Variants in BANP observed in about 807,000 individuals in gnomAD.
BANP encodes the protein BTG3 associated nuclear protein.
BANP carries 11 observed loss-of-function variants against 68.1 expected under a neutral mutation model. The ratio of observed to expected loss-of-function variants is 0.16; its 90% CI spans 0.10 to 0.27. BANP has a LOEUF of 0.27. Among genes scored for constraint, BANP ranks in the 10% least tolerant of loss-of-function variants. The pLI is 1.00. For synonymous variants in BANP, 329 were observed against 303.2 expected (o/e 1.09, Z -0.88); for missense variants, 504 against 722.7 (o/e 0.70, Z 3.47).
At position 88,071,125 on chromosome 16, in the gene BANP, C is replaced by T. The variant is rs2090192910; in HGVS notation, c.1378-944C>T. The T allele has an allele frequency of 7.1e-6, 2 of 280,210 alleles. No homozygotes were observed. Among genetic ancestry groups the T allele is most frequent in the African/African-American group, 2.3e-5 (1 of 44,266 alleles). 17.4% of individuals were successfully genotyped at this position (280,210 alleles called of 1,614,324 possible). Reference sequence around the variant, plus strand: ...GGCCAGGCTCCGTGGGGTGGGGCACCCTGCGACGGGCTGCTCCTCTTCCCA... The same window carrying T: ...GGCCAGGCTCCGTGGGGTGGGGCACTCTGCGACGGGCTGCTCCTCTTCCCA... On this transcript the variant is annotated intron_variant, in intron 12 of 13. Coordinates refer to ENST00000682872, the MANE Select transcript of BANP (RefSeq NM_001386991.1). The surrounding 1 kb of genome is among the most constrained non-coding windows in gnomAD (Gnocchi z 6.5).
chr16:88,010,840 G>A (rs546756976), intron 6 of BANP, among the ~76,000 whole-genome samples: 9 of 151,518 alleles, frequency 5.9e-5, no homozygotes, highest in Non-Finnish European at 1.0e-4. Flanking sequence ...AGGAGAACGT[G>A]TAGCCACGCT....
chr16:88,009,685 A>T (rs1693989049), intron 6 of BANP, among the ~76,000 whole-genome samples: 1 of 152,068 alleles, frequency 6.6e-6, no homozygotes, highest in African/African-American at 2.4e-5. Context: ...GGAACAGTAG[A>T]CTGTGTCTCA....
At chr16:88,042,528 T>G (rs2081079285) in intron 11 of BANP, among the ~76,000 whole-genome samples, 1 of 152,262 alleles carries the variant, frequency 6.6e-6, no homozygotes, top group Non-Finnish European at 1.5e-5. Flanking sequence ...TAGGTGCACA[T>G]GCTGTCGTGC....
chr16:87,994,170 A>T (rs1439208006), intron 4 of BANP, among the ~76,000 whole-genome samples: 1 of 152,140 alleles, frequency 6.6e-6, no homozygotes. Flanking sequence ...TTTCAGCCAA[A>T]CATGTTGCCT....
chr16:88,071,654 A>T lies in BANP; in HGVS notation c.1378-415A>T, dbSNP rs951212572. On this transcript the variant is annotated intron_variant, in intron 12 of 13. Transcript: ENST00000682872. This position sits in a 1 kb window ranked among gnomAD's most constrained non-coding sequence, Gnocchi z 6.5. ...GGGTTTGGGTCTCAGCCTCACGCTC[A>T]CGGTCCTGGCTTGGATTTTAGGCCT... 9.8e-5 allele frequency: 46 copies of T among 468,780 alleles called. No homozygotes were observed. The highest frequency in any genetic ancestry group is 8.5e-4 in the African/African-American group (43 of 50,660). The allele number at this position is 468,780 out of a possible 1,614,324, so 29.0% of individuals were successfully genotyped here. A position where few individuals can be genotyped will look rare whatever the true frequency, so the allele number is the denominator to read the frequency against.
chr16:88,006,186 C>A lies in BANP; in HGVS notation c.576C>A (p.Ser192Arg). ...ACGGGGAGAGCGGCTCGGAGGCCAG[C>A]GACTCTGTGTCCAGCTGTGGGCAGG... ...HEDGESGSEASDSVSSCGQAG... is the reference protein window; with the variant it reads ...HEDGESGSEARDSVSSCGQAG... The change falls in exon 6 of 14, where the codon AGC becomes AGA. Residue 192 changes from serine to arginine, a missense_variant. This residue lies in a region of BANP where 238 missense variants were observed against 278.9 expected (regional missense o/e 0.85). Coordinates refer to ENST00000682872, the MANE Select transcript of BANP (RefSeq NM_001386991.1). The A allele has an allele frequency of 1.2e-6, 2 of 1,613,810 alleles. No homozygotes were observed. Among genetic ancestry groups the A allele is most frequent in the East Asian group, 2.2e-5 (1 of 44,878 alleles).
At chr16:87,950,342 T>C (rs1390043871), upstream of BANP, 2 of 152,166 alleles carry the variant, frequency 1.3e-5, no homozygotes, top group African/African-American at 2.4e-5. Flanking sequence ...AGGAATGACA[T>C]TTCTGGGAAC....
chr16:87,994,120 G>T (rs897075711), intron 4 of BANP, among the ~76,000 whole-genome samples: 21 of 152,184 alleles, frequency 1.4e-4, no homozygotes, highest in African/African-American at 5.1e-4. Context: ...GTGCTGCGGT[G>T]CACTGTGTCC....
intron 1 of BANP, among the ~76,000 whole-genome samples, chr16:87,972,484 G>A (rs894876138): frequency 3.0e-4 from 45 of 151,220 alleles, no homozygotes; most frequent in African/African-American, 1.1e-3. Flanking sequence ...TGTTTTCATT[G>A]TCTGCAGTGA....
rs527304031 is a variant in BANP at position 88,064,087 on chromosome 16, G to A, written c.1312-1180G>A. Reference sequence around the variant, plus strand: ...TTGTTGCTGCCTTGGAACAAGGTGTGGGGGCCAACCACAAGCAGGCACCGG... The same window carrying A: ...TTGTTGCTGCCTTGGAACAAGGTGTAGGGGCCAACCACAAGCAGGCACCGG... On this transcript the variant is annotated intron_variant, in intron 11 of 13. Transcript: ENST00000682872. The surrounding 1 kb of genome is among the most constrained non-coding windows in gnomAD (Gnocchi z 4.5). Among the ~76,000 whole-genome samples the A allele has an allele frequency of 9.9e-5, 15 of 152,262 alleles. No individual in the cohort carries two copies. Among genetic ancestry groups the A allele is most frequent in the African/African-American group, 3.4e-4 (14 of 41,548 alleles).
rs185024058 is a variant in BANP, at chr16:88,029,839, G to C, written c.1063+2189G>C. ...GACACCTGCATCACTGCATGGAGGA[G>C]ATGGGTTGGAGTTGAGAGAGGCTGA... is the stretch of plus-strand genomic sequence containing the variant. On this transcript the variant is annotated intron_variant, in intron 8 of 13. Coordinates refer to ENST00000682872, the MANE Select transcript of BANP (RefSeq NM_001386991.1). 1.4e-3 allele frequency among the ~76,000 whole-genome samples: 217 copies of C among 152,368 alleles called. 1 individual carries two copies. Among genetic ancestry groups the C allele is most frequent in the African/African-American group, 5.1e-3 (210 of 41,582 alleles).
intron 3 of BANP, among the ~76,000 whole-genome samples, chr16:87,981,813 A>C (rs1222354441): frequency 6.6e-6 from 1 of 152,236 alleles, no homozygotes; most frequent in Non-Finnish European, 1.5e-5. Flanking sequence ...CTTAGATTCT[A>C]AAGTTTACTA....
chr16:88,059,685 G>A (rs1352823490), intron 11 of BANP, among the ~76,000 whole-genome samples: 2 of 152,274 alleles, frequency 1.3e-5, no homozygotes, highest in East Asian at 1.9e-4. Context: ...TGTGAGTTTG[G>A]TGGGGTTCTG....
intron 4 of BANP, among the ~76,000 whole-genome samples, chr16:87,994,938 T>C (rs1381747225): frequency 6.6e-6 from 1 of 152,154 alleles, no homozygotes; most frequent in Non-Finnish European, 1.5e-5. Context: ...TGCATCTTGC[T>C]TATGTTCAGG....
chr16:88,035,544 A>G (rs1271589564), intron 10 of BANP, 150 bp downstream of exon 10: 3 of 691,500 alleles, frequency 4.3e-6, no homozygotes, highest in African/African-American at 3.6e-5. Flanking sequence ...CAGGGTGCAC[A>G]TAGCGGGCCT....
At chr16:88,043,844 C>CT (rs1489262329) in intron 11 of BANP, among the ~76,000 whole-genome samples, 1 of 152,042 alleles carries the variant, frequency 6.6e-6, no homozygotes, top group Non-Finnish European at 1.5e-5. Context: ...ATAATAGAAT[C>CT]TTTAATTTGG....
intron 13 of BANP, 48 bp from the exon 14 acceptor site, chr16:88,076,542 C>T: frequency 6.5e-7 from 1 of 1,537,602 alleles, no homozygotes; most frequent in Non-Finnish European, 8.9e-7. Flanking sequence ...CCTGGCCATG[C>T]AGTGCTGGGT....
intron 2 of BANP, among the ~76,000 whole-genome samples, chr16:87,976,457 A>G: frequency 9.0e-6 from 1 of 111,524 alleles, no homozygotes; most frequent in Non-Finnish European, 1.8e-5. Context: ...CTTTGTCCAC[A>G]CTTATTGTTT....
chr16:87,968,438 C>T (rs996193074), intron 1 of BANP, among the ~76,000 whole-genome samples: 5 of 148,888 alleles, frequency 3.4e-5, no homozygotes, highest in Non-Finnish European at 5.9e-5. Flanking sequence ...GAGCTGAGAT[C>T]GTGCCATTGC....
Sources: allele counts gnomAD v4.1 joint callset (sites outside exome capture counted in the v4.1 genomes callset), GRCh38; gene constraint gnomAD v4.1.1; regional missense constraint gnomAD v4.1.1; non-coding constraint Gnocchi (gnomAD v3.1); transcripts MANE v1.5; gene names NCBI Gene and HGNC (gene_info 2026-07-23, HGNC 2026-07-21).